LHFPL6: variants seen among roughly 807,000 people sequenced by gnomAD.
LHFPL6 encodes LHFPL tetraspan subfamily member 6, also known as LHFPL tetraspan subfamily member 6 protein.
Under a neutral mutation model 20.6 loss-of-function variants are expected in LHFPL6, and 9 were observed. That is an observed-to-expected ratio of 0.44 (90% CI 0.26 to 0.76). The LOEUF is 0.76. Among genes scored for constraint, LHFPL6 ranks in the 30% least tolerant of loss-of-function variants. LHFPL6 has a pLI of 0.20. For synonymous variants in LHFPL6, 105 were observed against 98.7 expected, an observed-to-expected ratio of 1.06 and a Z score of -0.38; for missense variants, 218 against 253.5, an observed-to-expected ratio of 0.86 and a Z score of 0.95.
chr13:39,523,734 T>G (rs930701831), intron 2 of LHFPL6, among the ~76,000 whole-genome samples: 7 of 152,182 alleles, frequency 4.6e-5, no homozygotes, highest in African/African-American at 1.7e-4. Context: ...CCACCACTAC[T>G]GCTCTGCTCT....
intron 3 of LHFPL6, among the ~76,000 whole-genome samples, chr13:39,354,143 A>C (rs1869665600): frequency 6.6e-6 from 1 of 152,190 alleles, no homozygotes; most frequent in African/African-American, 2.4e-5. Flanking sequence ...CCACTGAGTA[A>C]GAGCCTATCT....
intron 2 of LHFPL6, among the ~76,000 whole-genome samples, chr13:39,544,224 G>A (rs1165189950): frequency 2.0e-5 from 3 of 152,132 alleles, no homozygotes; most frequent in African/African-American, 7.2e-5. Context: ...AAATTGTCTG[G>A]GCTCGTTCAC....
intron 2 of LHFPL6, among the ~76,000 whole-genome samples, chr13:39,470,563 G>A (rs917866568): frequency 5.3e-5 from 8 of 151,976 alleles, no homozygotes; most frequent in Admixed American, 2.0e-4. Context: ...GTAATGTATC[G>A]CATTTCATCT....
At chr13:39,569,938 G>A (rs1871861335) in intron 2 of LHFPL6, among the ~76,000 whole-genome samples, 1 of 152,204 alleles carries the variant, frequency 6.6e-6, no homozygotes. Flanking sequence ...AGCACATGGT[G>A]ACTCTGACTG....
intron 2 of LHFPL6, among the ~76,000 whole-genome samples, chr13:39,409,468 C>A (rs999599347): frequency 6.6e-6 from 1 of 151,658 alleles, no homozygotes; most frequent in Non-Finnish European, 1.5e-5. Context: ...ACAAAAAAAA[C>A]AAAAAAACAA....
chr13:39,501,972 G>A (rs1869308517), intron 2 of LHFPL6, among the ~76,000 whole-genome samples: 1 of 152,208 alleles, frequency 6.6e-6, no homozygotes, highest in African/African-American at 2.4e-5. Context: ...AGTGAGCCAA[G>A]GGCCCAGGAG....
intron 2 of LHFPL6, among the ~76,000 whole-genome samples, chr13:39,420,994 T>A (rs1871470239): frequency 6.6e-6 from 1 of 152,202 alleles, no homozygotes; most frequent in South Asian, 2.1e-4. Context: ...AATACTTTGG[T>A]AACAGAATTG....
intron 3 of LHFPL6, among the ~76,000 whole-genome samples, chr13:39,363,724 T>C (rs11843214): frequency 6.6e-6 from 1 of 152,176 alleles, no homozygotes; most frequent in African/African-American, 2.4e-5. Flanking sequence ...AGCAGGCCGG[T>C]GATGCTGGGT....
At chr13:39,564,300 A>G (rs767498975) in intron 2 of LHFPL6, among the ~76,000 whole-genome samples, 2 of 152,200 alleles carry the variant, frequency 1.3e-5, no homozygotes, top group Non-Finnish European at 2.9e-5. Flanking sequence ...TATTGCCAAG[A>G]TTAAATGAGA....
intron 2 of LHFPL6, among the ~76,000 whole-genome samples, chr13:39,552,011 A>G (rs1049630450): frequency 3.3e-5 from 5 of 152,230 alleles, no homozygotes; most frequent in Admixed American, 2.0e-4. Context: ...TGAATTAGCT[A>G]TATACTGCTG....
intron 2 of LHFPL6, among the ~76,000 whole-genome samples, chr13:39,409,847 AG>A (rs1352981114): frequency 6.6e-6 from 1 of 152,236 alleles, no homozygotes; most frequent in African/African-American, 2.4e-5. Flanking sequence ...CTGTAACAAT[AG>A]CTTCCTTTTA....
At chr13:39,455,078 TA>T (rs572720304) in intron 2 of LHFPL6, among the ~76,000 whole-genome samples, 39 of 152,202 alleles carry the variant, frequency 2.6e-4, no homozygotes, top group African/African-American at 9.1e-4. Context: ...CACCAGACAC[TA>T]AATCTGCTTG....
At chr13:39,365,181 T>A (rs1018289639) in intron 3 of LHFPL6, among the ~76,000 whole-genome samples, 11 of 152,202 alleles carry the variant, frequency 7.2e-5, no homozygotes, top group African/African-American at 2.7e-4. Flanking sequence ...AGAACCAGTC[T>A]GTCTCTAATT....
intron 2 of LHFPL6, among the ~76,000 whole-genome samples, chr13:39,399,858 C>T (rs1049926112): frequency 2.6e-5 from 4 of 152,118 alleles, no homozygotes; most frequent in Admixed American, 6.5e-5. Flanking sequence ...CTTTGGGAGA[C>T]CGAGGCAGGT....
At chr13:39,439,768 T>C (rs529276318) in intron 2 of LHFPL6, among the ~76,000 whole-genome samples, 39 of 152,244 alleles carry the variant, frequency 2.6e-4, no homozygotes, top group African/African-American at 9.2e-4. Context: ...TCTCTCTTCC[T>C]CCTTCTCTGG....
intron 2 of LHFPL6, among the ~76,000 whole-genome samples, chr13:39,457,659 A>G (rs2138426029): frequency 6.6e-6 from 1 of 152,352 alleles, no homozygotes; most frequent in Middle Eastern, 3.4e-3. Context: ...GACAAAAATC[A>G]GGTATGTGGT....
intron 2 of LHFPL6, among the ~76,000 whole-genome samples, chr13:39,441,302 C>T (rs1872126171): frequency 6.6e-6 from 1 of 151,744 alleles, no homozygotes; most frequent in Admixed American, 6.6e-5. Flanking sequence ...TTGTTAAATG[C>T]ATTGTTTATT....
chr13:39,403,346 T>G (rs1223873962), intron 2 of LHFPL6, among the ~76,000 whole-genome samples: 3 of 152,254 alleles, frequency 2.0e-5, no homozygotes, highest in Non-Finnish European at 4.4e-5. Flanking sequence ...TAGTGTCAGC[T>G]TTCTCACCCA....
At chr13:39,527,129 A>C (rs2138491252) in intron 2 of LHFPL6, among the ~76,000 whole-genome samples, 1 of 152,310 alleles carries the variant, frequency 6.6e-6, no homozygotes, top group South Asian at 2.1e-4. Flanking sequence ...AAAAGTAAAA[A>C]TCACTAGAAA....
Sources: gnomAD v4.1 joint callset for allele counts (sites outside exome capture counted in the v4.1 genomes callset) on GRCh38, gnomAD v4.1.1 for gene constraint, MANE v1.5 for transcripts, NCBI Gene and HGNC (gene_info 2026-07-23, HGNC 2026-07-21) for gene names.